The following GADD45GIP1 variants were observed in gnomAD, a reference collection of about 807,000 sequenced individuals.
GADD45GIP1 encodes GADD45G interacting protein 1.
GADD45GIP1 carries 17 observed loss-of-function variants against 22.1 expected under a neutral mutation model. That is an observed-to-expected ratio of 0.77 (90% CI 0.53 to 1.15). The LOEUF is 1.15. Ranked by LOEUF, GADD45GIP1 falls within the 50% of genes most tolerant of loss-of-function variation. The pLI is 0.00. For synonymous variants in GADD45GIP1, 135 were observed against 138.4 expected, an observed-to-expected ratio of 0.98 and a Z score of 0.17; for missense variants, 294 against 314.0, an observed-to-expected ratio of 0.94 and a Z score of 0.48.
rs1599672291 is a variant in GADD45GIP1 at position 12,953,332 on chromosome 19, C to A, written c.*876G>T. On this transcript the variant is annotated 3_prime_UTR_variant, in exon 2 of 2. Transcript: ENST00000316939. The stretch of plus-strand genomic sequence containing the variant: ...CAGATGGGCCCCTCTTGGCCTCTGT[C>A]CCAGCTCTCTGCAGCCAGACGGAAA... The A allele has an allele frequency of 7.7e-6, 2 of 258,976 alleles. No homozygotes were observed. Among genetic ancestry groups the A allele is most frequent in the East Asian group, 1.5e-4 (2 of 13,338 alleles). The allele number at this position is 258,976 out of a possible 1,614,324, so 16.0% of individuals were successfully genotyped here.
chr19:12,956,465 C>G (rs992058407), intron 1 of GADD45GIP1, among the ~76,000 whole-genome samples: 6 of 152,140 alleles, frequency 3.9e-5, no homozygotes, highest in African/African-American at 1.4e-4. Context: ...ACCAGCCTGG[C>G]CAACATGGTG....
chr19:12,955,146 C>A (rs1971908500), intron 1 of GADD45GIP1, among the ~76,000 whole-genome samples: 1 of 152,170 alleles, frequency 6.6e-6, no homozygotes. Flanking sequence ...CCCTGTGTGT[C>A]CATGTGTTCT....
chr19:12,954,429 T>C lies in GADD45GIP1; in HGVS notation c.448A>G (p.Lys150Glu), dbSNP rs1971897558. The change falls in exon 2 of 2, where the codon AAG becomes GAG. Residue 150 changes from lysine to glutamate, a missense_variant. Transcript: ENST00000316939. ...GCCTGCAGTCGGGCCCTCCTCTCCTTGTCAGCCTGGGCCTTCTCCCAGTTC... is the reference window on the plus strand; with the variant it reads ...GCCTGCAGTCGGGCCCTCCTCTCCTCGTCAGCCTGGGCCTTCTCCCAGTTC... ...RENWEKAQAD[K>E]ERRARLQAEA... 2 of 1,614,120 alleles carry C rather than the reference T, an allele frequency of 1.2e-6. No individual in the cohort carries two copies. The highest frequency in any genetic ancestry group is 8.5e-7 in the Non-Finnish European group (1 of 1,179,984).
intron 1 of GADD45GIP1, among the ~76,000 whole-genome samples, chr19:12,956,013 A>G (rs1374329604): frequency 6.6e-6 from 1 of 152,102 alleles, no homozygotes; most frequent in Non-Finnish European, 1.5e-5. Context: ...GGCATATCGT[A>G]TCTCAGGGCA....
chr19:12,955,932 G>C (rs1402245836), intron 1 of GADD45GIP1, among the ~76,000 whole-genome samples: 1 of 152,136 alleles, frequency 6.6e-6, no homozygotes, highest in Non-Finnish European at 1.5e-5. Flanking sequence ...CTGCCCTCTT[G>C]GTTCCAGGAC....
intron 1 of GADD45GIP1, among the ~76,000 whole-genome samples, chr19:12,955,622 G>A (rs979075482): frequency 1.3e-5 from 2 of 152,142 alleles, no homozygotes; most frequent in Non-Finnish European, 2.9e-5. Context: ...CACTTTGGGA[G>A]GCCGAGGCAG....
Position 12,957,021 on chromosome 19 carries a change from G to A in GADD45GIP1, c.192C>T (p.Tyr64=), listed in dbSNP as rs776667770. The change falls in exon 1 of 2, where the codon TAC becomes TAT. Residue 64 remains tyrosine (Y), a synonymous_variant. Transcript: ENST00000316939. ...CGGGGACCACCCCGGAGGCGGCGCC[G>A]TAACGCGCGAACTGCTTAGCCGCGT... ...PRYAAKQFAR[Y]GAASGVVPGS... is the part of the protein sequence containing the mutation. 2 of 1,596,650 alleles carry A rather than the reference G, an allele frequency of 1.3e-6. No individual in the cohort carries two copies. The highest frequency in any genetic ancestry group is 2.2e-5 in the South Asian group (2 of 90,622).
chr19:12,954,563 TCAGC>T (rs1971900490), intron 1 of GADD45GIP1, 37 bp from the exon 2 acceptor site: 2 of 1,562,522 alleles, frequency 1.3e-6, no homozygotes, highest in East Asian at 4.5e-5. Context: ...ACACTGGCAC[TCAGC>T]CAGGGCAGAG....
rs968623056 is a variant in GADD45GIP1 at position 12,954,357 on chromosome 19, G to C, written c.520C>G (p.Arg174Gly). 2.5e-6 allele frequency: 4 copies of C among 1,614,142 alleles called. No homozygotes were observed. The highest frequency in any genetic ancestry group is 3.4e-6 in the Non-Finnish European group (4 of 1,180,012). Residue 174 changes from arginine to glycine, a missense_variant, in exon 2 of 2, where the codon CGC becomes GGC. Arg to Gly is a moderately radical substitution (Grantham distance 125). Coordinates refer to ENST00000316939, the MANE Select transcript of GADD45GIP1 (RefSeq NM_052850.4). ...AGGTCCTGGAGCAGCTCCTGGAAGC[G>C]GGCACTCCTTGGGTCCACCTGGTAG... ...LGYQVDPRSA[R>G]FQELLQDLEK...
At position 12,954,277 on chromosome 19, in the gene GADD45GIP1, C is replaced by T. The variant is rs753146837; in HGVS notation, c.600G>A (p.Glu200=). The change falls in exon 2 of 2, where the codon GAG becomes GAA. Residue 200 remains glutamate, a synonymous_variant. Transcript: ENST00000316939. ...LKEEKQKRKK[E]ARAAALAAAV... ...CTGCAGCCAATGCAGCAGCTCGCGC[C>T]TCCTTCTTCCGTTTCTGTTTTTCCT... 14 of 1,613,990 alleles carry T rather than the reference C, an allele frequency of 8.7e-6. No individual in the cohort carries two copies. The Admixed American group carries it at 1.2e-4, about 13-fold the overall frequency.
At position 12,953,809 on chromosome 19, in the gene GADD45GIP1, C is replaced by T. The variant is rs1052733234; in HGVS notation, c.*399G>A. On this transcript the variant is annotated 3_prime_UTR_variant, in exon 2 of 2. Coordinates refer to ENST00000316939, the MANE Select transcript of GADD45GIP1 (RefSeq NM_052850.4). ...TGTCTCCTCCCCCAGTGTGTCATTT[C>T]CAGGCAGTGGACCCCAGCCCAACGT... is the stretch of plus-strand genomic sequence containing the variant. 1.7e-5 allele frequency: 3 copies of T among 173,916 alleles called. No homozygotes were observed. Among genetic ancestry groups the T allele is most frequent in the African/African-American group, 7.2e-5 (3 of 41,898 alleles). 10.8% of individuals were successfully genotyped at this position (173,916 alleles called of 1,614,324 possible). A position where few individuals can be genotyped will look rare whatever the true frequency, so the allele number is the denominator to read the frequency against.
In GADD45GIP1 at chr19:12,957,132, C is replaced by G; in HGVS notation, c.81G>C (p.Ala27=). 1 of 1,412,184 alleles carries G rather than the reference C, an allele frequency of 7.1e-7. No homozygotes were observed. Among genetic ancestry groups the G allele is most frequent in the East Asian group, 2.8e-5 (1 of 35,184 alleles). 87.5% of individuals were successfully genotyped at this position (1,412,184 alleles called of 1,614,324 possible). A position where few individuals can be genotyped will look rare whatever the true frequency, so the allele number is the denominator to read the frequency against. Residue 27 remains alanine (A), a synonymous_variant, in exon 1 of 2, where the codon GCG becomes GCC. Coordinates refer to ENST00000316939, the MANE Select transcript of GADD45GIP1 (RefSeq NM_052850.4). ...TLAPGSRGYR[A]RPPPRRRPGP... ...CCGGCCTGCGGCGCGGGGGCGGCCGCGCCCGGTAGCCACGGGAACCCGGGG... is the reference window on the plus strand; with the variant it reads ...CCGGCCTGCGGCGCGGGGGCGGCCGGGCCCGGTAGCCACGGGAACCCGGGG...
At position 12,953,322 on chromosome 19, in the gene GADD45GIP1, T is replaced by TG. The variant is rs1327211774; in HGVS notation, c.*885dup. 1 of 280,292 alleles carries TG rather than the reference T, an allele frequency of 3.6e-6. No individual in the cohort carries two copies. The allele number at this position is 280,292 out of a possible 1,614,324, so 17.4% of individuals were successfully genotyped here. A position where few individuals can be genotyped will look rare whatever the true frequency, so the allele number is the denominator to read the frequency against. Reference sequence around the variant, plus strand: ...TGGGAGGCGACAGATGGGCCCCTCTTGGCCTCTGTCCCAGCTCTCTGCAGC... The same window carrying TG: ...TGGGAGGCGACAGATGGGCCCCTCTTGGGCCTCTGTCCCAGCTCTCTGCAGC... On this transcript the variant is annotated 3_prime_UTR_variant, in exon 2 of 2. Transcript: ENST00000316939.
In GADD45GIP1 at chr19:12,954,323, T is replaced by C; in HGVS notation, c.554A>G (p.Lys185Arg). The C allele has an allele frequency of 6.2e-7, 1 of 1,614,090 alleles. No individual in the cohort carries two copies. The highest frequency in any genetic ancestry group is 8.5e-7 in the Non-Finnish European group (1 of 1,179,952). Residue 185 changes from lysine (K) to arginine (R), a missense_variant, in exon 2 of 2, where the codon AAG (lysine) becomes AGG (arginine). Transcript: ENST00000316939. Reference protein sequence around the residue: ...FQELLQDLEKKERKRLKEEKQ... With the variant: ...FQELLQDLEKRERKRLKEEKQ... ...TTCCTCCTTGAGGCGCTTGCGCTCC[T>C]TCTTCTCTAGGTCCTGGAGCAGCTC...
chr19:12,956,714 CTGAGTT>C, intron 1 of GADD45GIP1, 143 bp downstream of exon 1: 1 of 650,826 alleles, frequency 1.5e-6, no homozygotes, highest in Non-Finnish European at 2.6e-6. Context: ...GGACGTTATT[CTGAGTT>C]TGTTTTGCGG....
intron 1 of GADD45GIP1, among the ~76,000 whole-genome samples, chr19:12,955,429 C>T (rs1181390152): frequency 4.6e-5 from 7 of 152,186 alleles, no homozygotes; most frequent in Non-Finnish European, 1.0e-4. Context: ...TTCACCAAGC[C>T]TCAGTTTCCT....
rs1971864516 is a variant in GADD45GIP1 at position 12,953,218 on chromosome 19, CT to C, written c.*989del. On this transcript the variant is annotated 3_prime_UTR_variant, in exon 2 of 2. Transcript: ENST00000316939. ...GCTTCCTGTCCTCCTAAAGTGGCCCCTGTTCCCATCTCCCGGGCCAGACAGC... is the reference window on the plus strand; with the variant it reads ...GCTTCCTGTCCTCCTAAAGTGGCCCCGTTCCCATCTCCCGGGCCAGACAGC... 2.1e-6 allele frequency: 1 copy of C among 485,648 alleles called. No homozygotes were observed. The allele number at this position is 485,648 out of a possible 1,614,324, so 30.1% of individuals were successfully genotyped here. A position where few individuals can be genotyped will look rare whatever the true frequency, so the allele number is the denominator to read the frequency against.
chr19:12,955,968 TC>T (rs1443528053), intron 1 of GADD45GIP1, among the ~76,000 whole-genome samples: 1 of 152,132 alleles, frequency 6.6e-6, no homozygotes, highest in Non-Finnish European at 1.5e-5. Context: ...CCTCACCTTT[TC>T]CCCAGCCACA....
At position 12,953,352 on chromosome 19, in the gene GADD45GIP1, C is replaced by T. The variant is rs986084164; in HGVS notation, c.*856G>A. ...TCTGTCCCAGCTCTCTGCAGCCAGA[C>T]GGAAAGGCGGCTGCTTGCCTCTCCA... On this transcript the variant is annotated 3_prime_UTR_variant, in exon 2 of 2. Transcript: ENST00000316939. 1.4e-5 allele frequency: 3 copies of T among 216,564 alleles called. No homozygotes were observed. The highest frequency in any genetic ancestry group is 3.4e-4 in the South Asian group (2 of 5,962). 13.4% of individuals were successfully genotyped at this position (216,564 alleles called of 1,614,324 possible).
Sources: gnomAD v4.1 joint callset for allele counts (sites outside exome capture counted in the v4.1 genomes callset) on GRCh38, gnomAD v4.1.1 for gene constraint, MANE v1.5 for transcripts, NCBI Gene and HGNC (gene_info 2026-07-23, HGNC 2026-07-21) for gene names.